Variants in ISY1 observed in about 807,000 individuals in gnomAD.
The protein encoded by ISY1 is ISY1 spliceosome associated protein, also known as pre-mRNA-splicing factor ISY1 homolog.
ISY1 carries 12 observed loss-of-function variants against 54.4 expected under a neutral mutation model. That is an observed-to-expected ratio of 0.22 (90% CI 0.14 to 0.36). The LOEUF (loss-of-function observed/expected upper bound fraction) is 0.36. ISY1 is among the 10% of genes least tolerant of loss of function. The pLI is 1.00. For synonymous variants in ISY1, 96 were observed against 117.9 expected, an observed-to-expected ratio of 0.81 and a Z score of 1.20; for missense variants, 282 against 342.2, an observed-to-expected ratio of 0.82 and a Z score of 1.39.
intron 7 of ISY1, among the ~76,000 whole-genome samples, chr3:129,135,369 G>C (rs1936360724): frequency 6.6e-6 from 1 of 151,750 alleles, no homozygotes; most frequent in African/African-American, 2.4e-5. Flanking sequence ...ACCATGGATA[G>C]ACACTTTTCT....
intron 6 of ISY1, among the ~76,000 whole-genome samples, chr3:129,144,612 A>G (rs917442184): frequency 6.6e-6 from 1 of 152,238 alleles, no homozygotes; most frequent in African/African-American, 2.4e-5. Flanking sequence ...AAATCAGTTA[A>G]GCAGGTCACA....
At chr3:129,137,193 T>G in intron 7 of ISY1, 2 of 954,660 alleles carry the variant, frequency 2.1e-6, no homozygotes, top group Non-Finnish European at 2.5e-6. Context: ...CCACCGCACC[T>G]GGCCTAAAAA....
intron 5 of ISY1, among the ~76,000 whole-genome samples, chr3:129,149,640 C>CAA (rs1291277597): frequency 0.021 from 1,508 of 70,846 alleles, 20 homozygotes; most frequent in Non-Finnish European, 0.034. Context: ...TATATATACA[C>CAA]AAAAAAAATC....
chr3:129,129,935 A>C lies in ISY1; in HGVS notation c.*146T>G. The stretch of plus-strand genomic sequence containing the variant: ...CCAGGAAGACCAGGGACAGACCCCT[A>C]CCCTCCGGTCAACATGAGACAAGGA... On this transcript the variant is annotated 3_prime_UTR_variant, in exon 11 of 11. Transcript: ENST00000393295. 1.7e-6 allele frequency: 1 copy of C among 589,872 alleles called. No homozygotes were observed. 36.5% of individuals were successfully genotyped at this position (589,872 alleles called of 1,614,324 possible). A position where few individuals can be genotyped will look rare whatever the true frequency, so the allele number is the denominator to read the frequency against.
In ISY1 at chr3:129,156,939, C is replaced by A. The variant is rs556497883; in HGVS notation, c.79-19G>T. 4 of 1,613,392 alleles carry A rather than the reference C, an allele frequency of 2.5e-6. No homozygotes were observed. In the African/African-American group the frequency reaches 5.3e-5, roughly 22 times the overall value. ...TTCGTTCCTAAGGAGAAAAAAATAACACATTTCCATTATACTATTTACAAG... is the reference window on the plus strand; with the variant it reads ...TTCGTTCCTAAGGAGAAAAAAATAAAACATTTCCATTATACTATTTACAAG... On this transcript the variant is annotated intron_variant, in intron 3 of 10. Transcript: ENST00000393295.
At chr3:129,153,492 A>C (rs770734356) in intron 5 of ISY1, among the ~76,000 whole-genome samples, 3 of 152,136 alleles carry the variant, frequency 2.0e-5, no homozygotes, top group Non-Finnish European at 2.9e-5. Context: ...ACAATCAAAA[A>C]TTTCTTCAGG....
chr3:129,156,620 C>A lies in ISY1; in HGVS notation c.187+13G>T, dbSNP rs1291440080. The A allele has an allele frequency of 3.1e-6, 5 of 1,610,894 alleles. No individual in the cohort carries two copies. Among genetic ancestry groups the A allele is most frequent in the Non-Finnish European group, 4.2e-6 (5 of 1,178,854 alleles). ...TTGAGAATCAAGCACTTTAAAGGAA[C>A]AAGTTTGCTTACCATTCTGAATCTG... On this transcript the variant is annotated intron_variant, in intron 5 of 10. Coordinates refer to ENST00000393295, the MANE Select transcript of ISY1 (RefSeq NM_020701.4).
chr3:129,153,884 C>G (rs1487034020), intron 5 of ISY1, among the ~76,000 whole-genome samples: 1 of 152,064 alleles, frequency 6.6e-6, no homozygotes, highest in African/African-American at 2.4e-5. Context: ...GAGGGTGGAT[C>G]CCCTGAGGTC....
chr3:129,144,246 T>A (rs1936706566), intron 6 of ISY1: 1 of 337,228 alleles, frequency 3.0e-6, no homozygotes, highest in African/African-American at 2.2e-5. Flanking sequence ...ACAGCAAAAA[T>A]AAAATAAATG....
chr3:129,140,433 C>T lies in ISY1; in HGVS notation c.353G>A (p.Arg118Gln), dbSNP rs749467210. ...TGCTGCTCCAAAGTACTTGTAACCT[C>T]GGTTTCCTGGGACTTCTTTTCCTTC... is the stretch of plus-strand genomic sequence containing the variant. ...DHEGKEVPGN[R>Q]GYKYFGAAKD... The change falls in exon 7 of 11, where the codon CGA (arginine) becomes CAA (glutamine). Residue 118 changes from arginine (R) to glutamine (Q), a missense_variant. Arg to Gln is a conservative substitution (Grantham distance 43, BLOSUM62 1). Transcript: ENST00000393295. 14 of 1,613,246 alleles carry T rather than the reference C, an allele frequency of 8.7e-6. No individual in the cohort carries two copies. The highest frequency in any genetic ancestry group is 4.0e-5 in the African/African-American group (3 of 74,894).
Position 129,140,493 on chromosome 3 carries a change from G to A in ISY1, c.301-8C>T. ...CATTTTAGGGCCAACTTTCTTATTG[G>A]GAAGAAAAAAAGAGAAAATGGATCT... is the stretch of plus-strand genomic sequence containing the variant. On this transcript the variant is annotated splice_polypyrimidine_tract_variant and splice_region_variant and intron_variant, in intron 6 of 10. Coordinates refer to ENST00000393295, the MANE Select transcript of ISY1 (RefSeq NM_020701.4). The A allele has an allele frequency of 6.3e-7, 1 of 1,588,280 alleles. No individual in the cohort carries two copies. The highest frequency in any genetic ancestry group is 8.5e-7 in the Non-Finnish European group (1 of 1,173,278).
chr3:129,135,765 C>CAA (rs751769006), intron 7 of ISY1, among the ~76,000 whole-genome samples: 11 of 109,728 alleles, frequency 1.0e-4, no homozygotes, highest in Non-Finnish European at 1.3e-4. Flanking sequence ...GACTCCATCT[C>CAA]AAAAAAAAAA....
At chr3:129,144,750 G>A (rs1469525330) in intron 6 of ISY1, among the ~76,000 whole-genome samples, 2 of 152,016 alleles carry the variant, frequency 1.3e-5, no homozygotes, top group Non-Finnish European at 2.9e-5. Flanking sequence ...TTTACAATGA[G>A]CCATGTTCTT....
At position 129,156,685 on chromosome 3, in the gene ISY1, A is replaced by T. The variant is rs1937152461; in HGVS notation, c.145-10T>A. On this transcript the variant is annotated splice_polypyrimidine_tract_variant and intron_variant, in intron 4 of 10. Transcript: ENST00000393295. The stretch of plus-strand genomic sequence containing the variant: ...AGATCTCTCCAATGATCTATTAAAA[A>T]AAAGTAATACATTTTAATAATTTTT... 6.3e-7 allele frequency: 1 copy of T among 1,599,824 alleles called. No individual in the cohort carries two copies. The highest frequency in any genetic ancestry group is 8.5e-7 in the Non-Finnish European group (1 of 1,174,030).
chr3:129,152,426 CG>C (rs1937001905), intron 5 of ISY1, among the ~76,000 whole-genome samples: 1 of 150,384 alleles, frequency 6.6e-6, no homozygotes, highest in African/African-American at 2.4e-5. Context: ...TTTTTTGAGA[CG>C]GAGTCTCGCT....
chr3:129,141,631 G>A (rs921539594), intron 6 of ISY1, among the ~76,000 whole-genome samples: 3 of 151,456 alleles, frequency 2.0e-5, no homozygotes, highest in Non-Finnish European at 4.4e-5. Context: ...GTGGGCGCCT[G>A]TAGTCCCAGC....
chr3:129,151,231 T>C lies in ISY1; in HGVS notation c.188-5358A>G, dbSNP rs1936960867. ...TATATATGGGGTGTGTGTGTATATA[T>C]ATAATTCTGTATATTGAACTTCTTT... is the stretch of plus-strand genomic sequence containing the variant. On this transcript the variant is annotated intron_variant, in intron 5 of 10. Coordinates refer to ENST00000393295, the MANE Select transcript of ISY1 (RefSeq NM_020701.4). 3.3e-5 allele frequency among the ~76,000 whole-genome samples: 5 copies of C among 150,014 alleles called. No homozygotes were observed. In the Admixed American group the frequency reaches 3.3e-4, roughly 10 times the overall value.
intron 5 of ISY1, among the ~76,000 whole-genome samples, chr3:129,152,644 G>T (rs752177030): frequency 2.6e-5 from 4 of 152,122 alleles, no homozygotes; most frequent in Non-Finnish European, 4.4e-5. Context: ...CTGATCTCAC[G>T]ATCCACCCAC....
chr3:129,139,485 T>G (rs1441562814), intron 7 of ISY1, among the ~76,000 whole-genome samples: 1 of 152,150 alleles, frequency 6.6e-6, no homozygotes, highest in Non-Finnish European at 1.5e-5. Flanking sequence ...CTCTCATACT[T>G]TTTCCTATGA....
Sources: gnomAD v4.1 joint callset for allele counts (sites outside exome capture counted in the v4.1 genomes callset) on GRCh38, gnomAD v4.1.1 for gene constraint, MANE v1.5 for transcripts, NCBI Gene and HGNC (gene_info 2026-07-23, HGNC 2026-07-21) for gene names.